Variants in ASIC2 observed in about 807,000 individuals in gnomAD.
The protein encoded by ASIC2 is acid sensing ion channel subunit 2.
ASIC2 carries 25 observed loss-of-function variants against 57.3 expected under a neutral mutation model. The observed-to-expected ratio is 0.44, with a 90% CI of 0.32 to 0.61. ASIC2 has a LOEUF of 0.61. ASIC2 is among the 20% of genes least tolerant of loss of function. ASIC2 has a pLI of 0.06. For missense variants in ASIC2, 641 were observed against 738.1 expected (o/e 0.87, Z 1.52); for synonymous variants, 319 against 307.5 (o/e 1.04, Z -0.39).
chr17:33,621,721 T>C (rs1011599836), intron 1 of ASIC2, among the ~76,000 whole-genome samples: 2 of 152,230 alleles, frequency 1.3e-5, no homozygotes, highest in Non-Finnish European at 2.9e-5. Flanking sequence ...ATGCAGTTCC[T>C]GGGGGCCTCT....
intron 1 of ASIC2, among the ~76,000 whole-genome samples, chr17:33,166,140 C>T (rs1302607598): frequency 1.3e-5 from 2 of 152,162 alleles, no homozygotes; most frequent in African/African-American, 2.4e-5. Flanking sequence ...CTGTCAGGCA[C>T]TTGTCTAAGT....
chr17:33,703,458 T>A (rs1273659070), intron 1 of ASIC2, among the ~76,000 whole-genome samples: 1 of 151,960 alleles, frequency 6.6e-6, no homozygotes, highest in Non-Finnish European at 1.5e-5. Flanking sequence ...GCTCAAGTGA[T>A]CCTCCCACCT....
chr17:33,878,442 G>A (rs558867528), intron 1 of ASIC2, among the ~76,000 whole-genome samples: 5 of 152,264 alleles, frequency 3.3e-5, no homozygotes, highest in East Asian at 1.9e-4. Context: ...ACCATGGCAC[G>A]AGAACTATGT....
At chr17:34,030,192 T>C (rs1907539199) in intron 1 of ASIC2, among the ~76,000 whole-genome samples, 1 of 151,958 alleles carries the variant, frequency 6.6e-6, no homozygotes, top group Non-Finnish European at 1.5e-5. Context: ...CAAGAAAGAG[T>C]GCACACTTTA....
intron 1 of ASIC2, among the ~76,000 whole-genome samples, chr17:33,513,108 A>G (rs1914474617): frequency 6.6e-6 from 1 of 152,246 alleles, no homozygotes; most frequent in Non-Finnish European, 1.5e-5. Context: ...GGGGATGGGT[A>G]TAAATGATGA....
intron 1 of ASIC2, among the ~76,000 whole-genome samples, chr17:33,180,710 C>T (rs1162297949): frequency 1.3e-5 from 2 of 152,154 alleles, no homozygotes; most frequent in South Asian, 2.1e-4. Flanking sequence ...TTTGGGGACC[C>T]TCTGACATCT....
At chr17:33,451,376 A>G (rs990699910) in intron 1 of ASIC2, among the ~76,000 whole-genome samples, 6 of 152,100 alleles carry the variant, frequency 3.9e-5, no homozygotes, top group Non-Finnish European at 8.8e-5. Context: ...ACTCTTGAAT[A>G]CCTTTCTCAA....
chr17:34,086,214 G>A (rs1452516149), intron 1 of ASIC2, among the ~76,000 whole-genome samples: 14 of 149,690 alleles, frequency 9.4e-5, no homozygotes, highest in East Asian at 3.9e-4. Flanking sequence ...CTTTGAATGT[G>A]TCCCAGAGAT....
intron 1 of ASIC2, among the ~76,000 whole-genome samples, chr17:33,981,592 G>A (rs1567777768): frequency 6.6e-6 from 1 of 151,094 alleles, no homozygotes; most frequent in Non-Finnish European, 1.5e-5. Context: ...TTCCTCTCTT[G>A]CACAGTTTCT....
intron 1 of ASIC2, among the ~76,000 whole-genome samples, chr17:33,280,931 C>T (rs911450394): frequency 2.0e-4 from 30 of 152,104 alleles, no homozygotes; most frequent in East Asian, 5.8e-4. Flanking sequence ...AAGATTAAAC[C>T]CTTCACTTTC....
intron 1 of ASIC2, among the ~76,000 whole-genome samples, chr17:33,284,720 G>A (rs545810967): frequency 6.6e-6 from 1 of 152,278 alleles, no homozygotes; most frequent in South Asian, 2.1e-4. Context: ...CTACTTCCCA[G>A]ATGCATGGCT....
rs564014073 is a variant in ASIC2, at chr17:33,823,715, T to C, written c.555+332263A>G. On this transcript the variant is annotated intron_variant, in intron 1 of 9. Coordinates refer to the ASIC2 transcript ENST00000359872. ...GGACCACCAGTAATCCCAGACCTCT[T>C]CTGGGTTAGATAGAAGGCAGATCTG... is the stretch of plus-strand genomic sequence containing the variant. Among the ~76,000 whole-genome samples the C allele has an allele frequency of 9.8e-5, 15 of 152,334 alleles. No homozygotes were observed. In the East Asian group the frequency reaches 2.9e-3, roughly 29 times the overall value.
chr17:33,485,482 A>T (rs942623172), intron 1 of ASIC2, among the ~76,000 whole-genome samples: 1 of 152,224 alleles, frequency 6.6e-6, no homozygotes, highest in African/African-American at 2.4e-5. Context: ...TACAGTTAGT[A>T]GGCTCCATGT....
intron 1 of ASIC2, among the ~76,000 whole-genome samples, chr17:33,642,602 G>T (rs1201948180): frequency 1.3e-5 from 2 of 152,156 alleles, no homozygotes; most frequent in Non-Finnish European, 2.9e-5. Flanking sequence ...CTCACTGTCC[G>T]TCCATCAACC....
At chr17:33,516,359 TGTGA>T (rs1052929542) in intron 1 of ASIC2, among the ~76,000 whole-genome samples, 13 of 151,050 alleles carry the variant, frequency 8.6e-5, no homozygotes, top group Admixed American at 2.0e-4. Flanking sequence ...TGTGTGTGTG[TGTGA>T]GTGTGAGTGT....
chr17:33,295,707 G>A (rs2142188354), upstream of ASIC2, among the ~76,000 whole-genome samples: 1 of 152,290 alleles, frequency 6.6e-6, no homozygotes, highest in East Asian at 1.9e-4. Flanking sequence ...GCACGTTGAT[G>A]AAACACTGTT....
At chr17:33,018,918 C>T (rs1190913258) in intron 7 of ASIC2, among the ~76,000 whole-genome samples, 1 of 152,124 alleles carries the variant, frequency 6.6e-6, no homozygotes, top group African/African-American at 2.4e-5. Context: ...GGCAGATCTG[C>T]CCCACTCCTT....
At chr17:33,337,608 G>A (rs1456506225) in intron 1 of ASIC2, among the ~76,000 whole-genome samples, 1 of 152,250 alleles carries the variant, frequency 6.6e-6, no homozygotes, top group Admixed American at 6.5e-5. Flanking sequence ...TTCATTAGGT[G>A]TTTGCTCTGC....
In ASIC2 at chr17:33,029,361, T is replaced by A. The variant is rs565358429; in HGVS notation, c.988-969A>T. 4.6e-5 allele frequency among the ~76,000 whole-genome samples: 7 copies of A among 152,262 alleles called. No homozygotes were observed. The South Asian group carries it at 1.4e-3, about 32-fold the overall frequency. Reference sequence around the variant, plus strand: ...GCTTTGCCTGTTCTCAAACTTCATATAAATGAAAGCTTACACTATGTGCTC... The same window carrying A: ...GCTTTGCCTGTTCTCAAACTTCATAAAAATGAAAGCTTACACTATGTGCTC... On this transcript the variant is annotated intron_variant, in intron 3 of 9. Coordinates refer to ENST00000225823, the MANE Select transcript of ASIC2 (RefSeq NM_183377.2).
Sources: allele counts gnomAD v4.1 joint callset (sites outside exome capture counted in the v4.1 genomes callset), GRCh38; gene constraint gnomAD v4.1.1; transcripts MANE v1.5; gene names NCBI Gene and HGNC (gene_info 2026-07-23, HGNC 2026-07-21).